Variants in LIPC observed in about 807,000 individuals in gnomAD.
LIPC encodes hepatic triacylglycerol lipase.
In LIPC, 44 loss-of-function variants were observed where a neutral mutation model predicts 50.7. The observed-to-expected ratio is 0.87, with a 90% CI of 0.68 to 1.11. The LOEUF (loss-of-function observed/expected upper bound fraction) is 1.11. LIPC is among the 50% of genes most tolerant of loss of function. The pLI is 0.00. For missense variants in LIPC, 697 were observed against 648.2 expected, an observed-to-expected ratio of 1.08 and a Z score of -0.82; for synonymous variants, 271 against 256.4, an observed-to-expected ratio of 1.06 and a Z score of -0.54.
intron 1 of LIPC, among the ~76,000 whole-genome samples, chr15:58,525,583 C>T (rs1326581880): frequency 6.6e-6 from 1 of 152,216 alleles, no homozygotes; most frequent in African/African-American, 2.4e-5. Flanking sequence ...GGGTGCAAGG[C>T]CTTCTGGGAG....
chr15:58,459,095 A>AT (rs1251578624), intron 1 of LIPC, among the ~76,000 whole-genome samples: 1 of 152,056 alleles, frequency 6.6e-6, no homozygotes, highest in Non-Finnish European at 1.5e-5. Flanking sequence ...CATGCCTCCT[A>AT]TTTTTTTAGG....
chr15:58,448,221 A>G (rs1893771281), intron 1 of LIPC, among the ~76,000 whole-genome samples: 1 of 152,192 alleles, frequency 6.6e-6, no homozygotes. Flanking sequence ...CACGTGGACT[A>G]GGGTTGGGAG....
chr15:58,486,197 CTCTCT>C (rs1432551786), intron 1 of LIPC, among the ~76,000 whole-genome samples: 32 of 152,206 alleles, frequency 2.1e-4, no homozygotes, highest in Admixed American at 1.4e-3. Flanking sequence ...GTTCCTCCTC[CTCTCT>C]TATCTGCCTG....
intron 1 of LIPC, among the ~76,000 whole-genome samples, chr15:58,533,863 T>C (rs1351829900): frequency 6.6e-6 from 1 of 152,178 alleles, no homozygotes; most frequent in Admixed American, 6.5e-5. Flanking sequence ...TCAGCATACA[T>C]ACAATGAGCA....
rs984224012 is a variant in LIPC at position 58,568,912 on chromosome 15, T to C, written c.*85T>C. On this transcript the variant is annotated 3_prime_UTR_variant, in exon 9 of 9. Coordinates refer to ENST00000299022, the MANE Select transcript of LIPC (RefSeq NM_000236.3). ...GCCTTATTTAGAAGCCAAAATTACA[T>C]AAAGAATCTCACACAAAGCTTAAAT... 4.2e-6 allele frequency: 3 copies of C among 720,834 alleles called. No homozygotes were observed. Among genetic ancestry groups the C allele is most frequent in the Non-Finnish European group, 6.9e-6 (3 of 434,840 alleles). The allele number at this position is 720,834 out of a possible 1,614,324, so 44.7% of individuals were successfully genotyped here.
chr15:58,515,533 C>CACATTAT (rs147594972), intron 1 of LIPC, among the ~76,000 whole-genome samples: 1 of 141,696 alleles, frequency 7.1e-6, no homozygotes, highest in Admixed American at 7.0e-5. Context: ...TATACACACA[C>CACATTAT]ATATATATAT....
At position 58,542,622 on chromosome 15, in the gene LIPC, G is replaced by A. The variant is rs560972096; in HGVS notation, c.545G>A (p.Gly182Asp). The change falls in exon 4 of 9, where the codon GGT (glycine) becomes GAT (aspartate). Residue 182 changes from glycine (G) to aspartate (D), a missense_variant. Transcript: ENST00000299022. ...TCAGGATTTGCCGGCAGTTCCATCG[G>A]TGGAACGCACAAGATTGGGAGAATC... is the stretch of plus-strand genomic sequence containing the variant. Reference protein sequence around the residue: ...HVSGFAGSSIGGTHKIGRITG... With the variant: ...HVSGFAGSSIDGTHKIGRITG... 3 of 1,612,880 alleles carry A rather than the reference G, an allele frequency of 1.9e-6. No individual in the cohort carries two copies. The highest frequency in any genetic ancestry group is 1.7e-5 in the Admixed American group (1 of 60,002).
At position 58,455,135 on chromosome 15, in the gene LIPC, A is replaced by G. The variant is rs532008830; in HGVS notation, c.88+23015A>G. On this transcript the variant is annotated intron_variant, in intron 1 of 8. Transcript: ENST00000299022. ...GCAGCCATGATGGCTGTATTTATAC[A>G]TGGACATTGGCAAACATTATAGATT... 3.3e-5 allele frequency among the ~76,000 whole-genome samples: 5 copies of G among 152,366 alleles called. No individual in the cohort carries two copies. In the South Asian group the frequency reaches 8.3e-4, roughly 25 times the overall value.
At chr15:58,437,927 G>T (rs1893363554) in intron 1 of LIPC, among the ~76,000 whole-genome samples, 1 of 152,134 alleles carries the variant, frequency 6.6e-6, no homozygotes, top group African/African-American at 2.4e-5. Flanking sequence ...CCTGCTGAAA[G>T]GTCCACCCTG....
intron 1 of LIPC, among the ~76,000 whole-genome samples, chr15:58,479,222 A>AG (rs1198293167): frequency 6.6e-6 from 1 of 152,258 alleles, no homozygotes; most frequent in African/African-American, 2.4e-5. Flanking sequence ...CAACTTCTGC[A>AG]GGAAAAAATA....
chr15:58,450,064 CCT>C (rs1267591472), intron 1 of LIPC, among the ~76,000 whole-genome samples: 1 of 152,078 alleles, frequency 6.6e-6, no homozygotes, highest in Non-Finnish European at 1.5e-5. Flanking sequence ...AAAAATTGCC[CCT>C]GTCTTATGGG....
chr15:58,485,184 G>A (rs1469834830), intron 1 of LIPC, among the ~76,000 whole-genome samples: 7 of 152,182 alleles, frequency 4.6e-5, no homozygotes, highest in African/African-American at 1.7e-4. Context: ...GAAGAGGACG[G>A]CGGGGTTAAG....
chr15:58,451,199 C>G (rs1377437799), intron 1 of LIPC, among the ~76,000 whole-genome samples: 1 of 152,096 alleles, frequency 6.6e-6, no homozygotes, highest in Admixed American at 6.5e-5. Flanking sequence ...AGACCCAGGC[C>G]TCGAGTGACA....
chr15:58,488,826 T>C (rs1425065146), intron 1 of LIPC, among the ~76,000 whole-genome samples: 1 of 152,226 alleles, frequency 6.6e-6, no homozygotes, highest in Non-Finnish European at 1.5e-5. Context: ...CATACCCTAG[T>C]GTTTTCTGAC....
chr15:58,447,326 G>A (rs545715306), intron 1 of LIPC, among the ~76,000 whole-genome samples: 1 of 152,038 alleles, frequency 6.6e-6, no homozygotes, highest in East Asian at 1.9e-4. Context: ...TTGGACTCTC[G>A]ACTAGTCTGT....
In LIPC at chr15:58,481,860, T is replaced by A. The variant is rs1379192521; in HGVS notation, c.88+49740T>A. Among the ~76,000 whole-genome samples, 8 of 152,244 alleles carry A rather than the reference T, an allele frequency of 5.3e-5. No homozygotes were observed. The East Asian group carries it at 1.4e-3, about 26-fold the overall frequency. ...CTTGTGTAGAATATTCTCCAAGATA[T>A]AAGTGAAAAGACAAGGTGCCAACCA... On this transcript the variant is annotated intron_variant, in intron 1 of 8. Coordinates refer to ENST00000299022, the MANE Select transcript of LIPC (RefSeq NM_000236.3).
intron 1 of LIPC, chr15:58,436,574 C>A: frequency 3.4e-6 from 1 of 296,402 alleles, no homozygotes; most frequent in Non-Finnish European, 6.8e-6. Flanking sequence ...ATAAATATGA[C>A]TGAAAATACT....
chr15:58,515,859 A>C (rs1892468795), intron 1 of LIPC, among the ~76,000 whole-genome samples: 1 of 152,154 alleles, frequency 6.6e-6, no homozygotes, highest in Non-Finnish European at 1.5e-5. Flanking sequence ...GAGGAAAGAC[A>C]CTTTTGAGGG....
intron 1 of LIPC, among the ~76,000 whole-genome samples, chr15:58,461,400 G>C (rs775976351): frequency 6.6e-6 from 1 of 152,098 alleles, no homozygotes; most frequent in Non-Finnish European, 1.5e-5. Context: ...TCTCAGTACA[G>C]AGCCTATGGT....
Sources: allele counts gnomAD v4.1 joint callset (sites outside exome capture counted in the v4.1 genomes callset), GRCh38; gene constraint gnomAD v4.1.1; transcripts MANE v1.5; gene names NCBI Gene and HGNC (gene_info 2026-07-23, HGNC 2026-07-21).